Variants in CLPTM1L observed in about 807,000 individuals in gnomAD.
CLPTM1L encodes the protein lipid scramblase CLPTM1L.
A neutral mutation model predicts 70.9 loss-of-function variants in CLPTM1L; 38 were observed. The ratio of observed to expected loss-of-function variants is 0.54; its 90% confidence interval spans 0.41 to 0.70. The LOEUF is 0.70. Ranked by LOEUF, CLPTM1L falls within the 30% of genes least tolerant of loss-of-function variation. CLPTM1L has a pLI of 0.00. For synonymous variants in CLPTM1L, 339 were observed against 299.9 expected, an observed-to-expected ratio of 1.13 and a Z score of -1.35; for missense variants, 652 against 705.9, an observed-to-expected ratio of 0.92 and a Z score of 0.87.
chr5:1,333,658 A>G (rs1753326168), intron 7 of CLPTM1L, among the ~76,000 whole-genome samples: 1 of 103,460 alleles, frequency 9.7e-6, no homozygotes, highest in African/African-American at 3.6e-5. Flanking sequence ...CTGTATACAC[A>G]CCGGCTGAGG....
At chr5:1,330,256 T>G in intron 9 of CLPTM1L, 24 bp downstream of exon 9, 1 of 1,599,550 alleles carries the variant, frequency 6.3e-7, no homozygotes, top group Non-Finnish European at 8.6e-7. Flanking sequence ...CCTCAGACAG[T>G]TCAGGTCACT....
At chr5:1,326,932 GAC>G (rs1403827172) in intron 9 of CLPTM1L, among the ~76,000 whole-genome samples, 3 of 148,402 alleles carry the variant, frequency 2.0e-5, no homozygotes, top group East Asian at 2.1e-4. Context: ...CTCCTCTACG[GAC>G]ACATTTCATC....
rs917373341 is a variant in CLPTM1L, at chr5:1,342,884, C to A, written c.264-1024G>T. ...GATTATAGGCATGAGTCACTGTGCCCGGCCTCTCCTTAAAAATCTTACGGT... is the reference window on the plus strand; with the variant it reads ...GATTATAGGCATGAGTCACTGTGCCAGGCCTCTCCTTAAAAATCTTACGGT... On this transcript the variant is annotated intron_variant, in intron 2 of 16. Coordinates refer to ENST00000320895, the MANE Select transcript of CLPTM1L (RefSeq NM_030782.5). This position sits in a 1 kb window ranked among gnomAD's most constrained non-coding sequence, Gnocchi z 4.3. Among the ~76,000 whole-genome samples, 1 of 152,212 alleles carries A rather than the reference C, an allele frequency of 6.6e-6. No individual in the cohort carries two copies. Among genetic ancestry groups the A allele is most frequent in the African/African-American group, 2.4e-5 (1 of 41,460 alleles).
In CLPTM1L at chr5:1,318,774, A is replaced by G. The variant is rs566406408; in HGVS notation, c.1533-321T>C. Among the ~76,000 whole-genome samples, 5 of 152,294 alleles carry G rather than the reference A, an allele frequency of 3.3e-5. No homozygotes were observed. In the East Asian group the frequency reaches 9.7e-4, roughly 29 times the overall value. On this transcript the variant is annotated intron_variant, in intron 16 of 16. Coordinates refer to ENST00000320895, the MANE Select transcript of CLPTM1L (RefSeq NM_030782.5). This position sits in a 1 kb window ranked among gnomAD's most constrained non-coding sequence, Gnocchi z 8.9. ...CGGGCTGCCTTCTGGGAACGGTGGC[A>G]TCACGGAGACTCGAGTGATCAGAAC...
intron 8 of CLPTM1L, chr5:1,331,026 G>C (rs1753054456): frequency 6.5e-6 from 1 of 152,748 alleles, no homozygotes; most frequent in African/African-American, 2.4e-5. Context: ...AACTTGTTCG[G>C]GTCTGATACT....
chr5:1,322,013 A>G (rs971119505), intron 13 of CLPTM1L, among the ~76,000 whole-genome samples, 194 bp from the exon 14 acceptor site: 1 of 152,240 alleles, frequency 6.6e-6, no homozygotes. Context: ...AAGTTTATCA[A>G]GAGTCTACGA....
In CLPTM1L at chr5:1,335,129, C is replaced by A. The variant is rs756950098; in HGVS notation, c.724G>T (p.Asp242Tyr). Reference protein sequence around the residue: ...TTELPLTVSYDKVSLGRLRFW... With the variant: ...TTELPLTVSYYKVSLGRLRFW... Reference sequence around the variant, plus strand: ...CGCAGCCGCCCCAGTGAGACCTTGTCGTAGGACACGGTGAGGGGCAGCTCG... The same window carrying A: ...CGCAGCCGCCCCAGTGAGACCTTGTAGTAGGACACGGTGAGGGGCAGCTCG... Residue 242 changes from aspartate to tyrosine, a missense_variant, in exon 6 of 17, where the codon GAC becomes TAC. Physicochemically the swap from Asp to Tyr is radical, Grantham distance 160. This residue lies in a region of CLPTM1L where 402 missense variants were observed against 388.2 expected (regional missense o/e 1.04). Coordinates refer to ENST00000320895, the MANE Select transcript of CLPTM1L (RefSeq NM_030782.5). 6.2e-7 allele frequency: 1 copy of A among 1,613,730 alleles called. No homozygotes were observed. The highest frequency in any genetic ancestry group is 8.5e-7 in the Non-Finnish European group (1 of 1,180,014).
At chr5:1,344,514 C>T in intron 1 of CLPTM1L, 63 bp from the exon 2 acceptor site, 1 of 1,526,768 alleles carries the variant, frequency 6.5e-7, no homozygotes, top group Non-Finnish European at 9.1e-7. Flanking sequence ...ACTCAAATCC[C>T]ACGGCCAGCT....
chr5:1,320,768 G>A, intron 15 of CLPTM1L, 37 bp from the exon 16 acceptor site: 1 of 1,244,552 alleles, frequency 8.0e-7, no homozygotes, highest in Non-Finnish European at 1.1e-6. Flanking sequence ...AACCCCAGTT[G>A]CTGGGGCTGG....
At chr5:1,330,559 G>GA in intron 8 of CLPTM1L, 176 bp from the exon 9 acceptor site, 1 of 592,266 alleles carries the variant, frequency 1.7e-6, no homozygotes. Flanking sequence ...CAGCAGCTAG[G>GA]AAAGTGTTTG....
In CLPTM1L at chr5:1,323,886, T is replaced by C. The variant is rs1416793284; in HGVS notation, c.1198-17A>G. The C allele has an allele frequency of 6.2e-7, 1 of 1,602,412 alleles. No individual in the cohort carries two copies. The highest frequency in any genetic ancestry group is 1.1e-5 in the South Asian group (1 of 90,840). Reference sequence around the variant, plus strand: ...CTTCATGGCCTGCAGGGAACAAAGATGGCTTCCAGTTAGAGGCCCAAACGC... The same window carrying C: ...CTTCATGGCCTGCAGGGAACAAAGACGGCTTCCAGTTAGAGGCCCAAACGC... On this transcript the variant is annotated splice_polypyrimidine_tract_variant and intron_variant, in intron 11 of 16. Transcript: ENST00000320895.
chr5:1,331,744 C>T (rs1753105089), intron 8 of CLPTM1L, 55 bp downstream of exon 8: 1 of 1,497,256 alleles, frequency 6.7e-7, no homozygotes, highest in African/African-American at 1.4e-5. Context: ...ACCGCAGGCT[C>T]CAGTGAGCTC....
chr5:1,325,705 A>G, intron 10 of CLPTM1L, 46 bp downstream of exon 10: 1 of 1,538,368 alleles, frequency 6.5e-7, no homozygotes. Context: ...GCAAAATCAC[A>G]CTCTTCAGAG....
chr5:1,318,242 T>A lies in CLPTM1L; in HGVS notation c.*127A>T, dbSNP rs1751944768. ...TGACGTGATGGGAACTTGGGAGATG[T>A]CTGAGAAATGTCCGAAGGGATTTTG... On this transcript the variant is annotated 3_prime_UTR_variant, in exon 17 of 17. Transcript: ENST00000320895. This position sits in a 1 kb window ranked among gnomAD's most constrained non-coding sequence, Gnocchi z 8.9. 1 of 722,070 alleles carries A rather than the reference T, an allele frequency of 1.4e-6. No homozygotes were observed. Among genetic ancestry groups the A allele is most frequent in the East Asian group, 2.7e-5 (1 of 37,436 alleles). 44.7% of individuals were successfully genotyped at this position (722,070 alleles called of 1,614,324 possible). A position where few individuals can be genotyped will look rare whatever the true frequency, so the allele number is the denominator to read the frequency against.
intron 7 of CLPTM1L, chr5:1,332,183 T>G: frequency 5.2e-6 from 2 of 382,636 alleles, no homozygotes; most frequent in Non-Finnish European, 9.7e-6. Context: ...ATCATGGGCC[T>G]GGCTGGGCAC....
At chr5:1,330,585 G>C (rs1753021945) in intron 8 of CLPTM1L, 1 of 564,998 alleles carries the variant, frequency 1.8e-6, no homozygotes, top group Non-Finnish European at 3.2e-6. Flanking sequence ...CTGCTGAACT[G>C]AACAGCTGGC....
Position 1,342,009 on chromosome 5 carries a change from C to CGTGTGTGTGT in CLPTM1L, c.264-159_264-150dup, listed in dbSNP as rs71598674. On this transcript the variant is annotated intron_variant, in intron 2 of 16. Transcript: ENST00000320895. This position sits in a 1 kb window ranked among gnomAD's most constrained non-coding sequence, Gnocchi z 4.3. Reference sequence around the variant, plus strand: ...CCCACCTGCCCAGGGCTTTACGAGTCGTGTGTGTGTGTGTGTGTGTGTGTG... The same window carrying CGTGTGTGTGT: ...CCCACCTGCCCAGGGCTTTACGAGTCGTGTGTGTGTGTGTGTGTGTGTGTGTGTGTGTGTG... 9.5e-5 allele frequency: 48 copies of CGTGTGTGTGT among 503,214 alleles called. 1 individual carries two copies. The highest frequency in any genetic ancestry group is 4.7e-4 in the African/African-American group (19 of 40,196). The allele number at this position is 503,214 out of a possible 1,614,324, so 31.2% of individuals were successfully genotyped here.
chr5:1,333,709 G>T (rs1398938959), intron 7 of CLPTM1L, among the ~76,000 whole-genome samples: 2 of 71,494 alleles, frequency 2.8e-5, no homozygotes, highest in Non-Finnish European at 6.0e-5. Context: ...AGAGGATAAG[G>T]GGGGACTACT....
At chr5:1,336,259 C>T (rs1372965830) in intron 5 of CLPTM1L, among the ~76,000 whole-genome samples, 1 of 152,226 alleles carries the variant, frequency 6.6e-6, no homozygotes, top group Non-Finnish European at 1.5e-5. Context: ...ATCCCAGCTG[C>T]CTGCTTCCTC....
Sources: gnomAD v4.1 joint callset for allele counts (sites outside exome capture counted in the v4.1 genomes callset) on GRCh38, gnomAD v4.1.1 for gene constraint, gnomAD v4.1.1 regional missense constraint, Gnocchi (gnomAD v3.1) non-coding constraint, MANE v1.5 for transcripts, NCBI Gene and HGNC (gene_info 2026-07-23, HGNC 2026-07-21) for gene names.